The following TMEM132D variants were observed in gnomAD, a reference collection of about 807,000 sequenced individuals.
The protein encoded by TMEM132D is mature OL transmembrane protein.
TMEM132D carries 21 observed loss-of-function variants against 62.3 expected under a neutral mutation model. The ratio of observed to expected loss-of-function variants is 0.34; its 90% CI spans 0.24 to 0.49. TMEM132D has a LOEUF of 0.49. TMEM132D is among the 20% of genes least tolerant of loss of function. TMEM132D has a pLI of 0.99. For missense variants in TMEM132D, 1,346 were observed against 1,402.8 expected (o/e 0.96, Z 0.65); for synonymous variants, 621 against 575.6 (o/e 1.08, Z -1.13).
chr12:129,089,506 TATGACCGGGTGTCCTCC>T lies in TMEM132D; in HGVS notation c.1444-4821_1444-4805del, dbSNP rs1271692219. Among the ~76,000 whole-genome samples, 125 of 35,422 alleles carry T rather than the reference TATGACCGGGTGTCCTCC, an allele frequency of 3.5e-3. 25 individuals carry two copies. Among genetic ancestry groups the T allele is most frequent in the South Asian group, 0.034 (29 of 842 alleles). 23.2% of individuals were successfully genotyped at this position (35,422 alleles called of 152,430 possible). ...GTGTCCTCCATGACCGGGTGTCCTC[TATGACCGGGTGTCCTCC>T]ATGACCGGGTGTCCTCCATGACCGG... On this transcript the variant is annotated intron_variant, in intron 5 of 8. Transcript: ENST00000422113.
intron 4 of TMEM132D, among the ~76,000 whole-genome samples, chr12:129,241,421 T>C (rs927539814): frequency 1.3e-5 from 2 of 152,152 alleles, no homozygotes; most frequent in Non-Finnish European, 2.9e-5. Flanking sequence ...ACAACACTCT[T>C]CTTTGCTCTC....
intron 2 of TMEM132D, among the ~76,000 whole-genome samples, chr12:129,533,948 C>T (rs1351337331): frequency 2.6e-5 from 4 of 152,226 alleles, no homozygotes; most frequent in South Asian, 2.1e-4. Context: ...GGTCATTCTT[C>T]GGAGATGTAG....
rs2137227950 is a variant in TMEM132D, at chr12:129,700,653, A to C, written c.125T>G (p.Leu42Trp). ...GILESIQRFS[L>W]LPTYLPVTYH... Reference sequence around the variant, plus strand: ...GGTCACGGGGAGGTAGGTGGGCAGCAAGGAAAACCTCTGGATGCTCTCAAG... The same window carrying C: ...GGTCACGGGGAGGTAGGTGGGCAGCCAGGAAAACCTCTGGATGCTCTCAAG... The change falls in exon 2 of 9, where the codon TTG (leucine) becomes TGG (tryptophan). Residue 42 changes from leucine (L) to tryptophan (W), a missense_variant. By Grantham distance (61) the Leu-to-Trp change is moderately conservative. Transcript: ENST00000422113. The C allele has an allele frequency of 6.2e-7, 1 of 1,613,810 alleles. No individual in the cohort carries two copies. Among genetic ancestry groups the C allele is most frequent in the African/African-American group, 1.3e-5 (1 of 75,014 alleles).
At chr12:129,269,991 GA>G (rs1880809239) in intron 4 of TMEM132D, among the ~76,000 whole-genome samples, 2 of 152,148 alleles carry the variant, frequency 1.3e-5, no homozygotes, top group Non-Finnish European at 2.9e-5. Flanking sequence ...GTGGCAGGCA[GA>G]ACAGAATGGG....
chr12:129,690,252 A>G (rs948288097), intron 2 of TMEM132D, among the ~76,000 whole-genome samples: 1 of 152,208 alleles, frequency 6.6e-6, no homozygotes, highest in Non-Finnish European at 1.5e-5. Flanking sequence ...ATGTAATCAC[A>G]TAAGATACTG....
intron 1 of TMEM132D, among the ~76,000 whole-genome samples, chr12:129,899,515 C>A (rs749047098): frequency 1.3e-5 from 2 of 150,626 alleles, no homozygotes; most frequent in Non-Finnish European, 3.0e-5. Flanking sequence ...GATGAATGAA[C>A]GGGTGGATGG....
rs529519513 is a variant in TMEM132D at position 129,788,650 on chromosome 12, A to C, written c.80-87952T>G. 2.5e-4 allele frequency among the ~76,000 whole-genome samples: 38 copies of C among 152,354 alleles called. 1 individual carries two copies. Among genetic ancestry groups the C allele is most frequent in the African/African-American group, 8.2e-4 (34 of 41,576 alleles). On this transcript the variant is annotated intron_variant, in intron 1 of 8. Transcript: ENST00000422113. ...TCAGGGAGGGAGAAATGTGAACTAC[A>C]GGATGAATTGATTGACTCATGCAGT...
At position 129,075,044 on chromosome 12, in the gene TMEM132D, A is replaced by C; in HGVS notation, c.2131T>G (p.Cys711Gly). 1 of 1,606,300 alleles carries C rather than the reference A, an allele frequency of 6.2e-7. No individual in the cohort carries two copies. The highest frequency in any genetic ancestry group is 8.5e-7 in the Non-Finnish European group (1 of 1,177,486). The change falls in exon 9 of 9, where the codon TGC (cysteine) becomes GGC (glycine). Residue 711 changes from cysteine (C) to glycine (G), a missense_variant. Cys to Gly is a radical substitution (Grantham distance 159, BLOSUM62 -3). Coordinates refer to ENST00000422113, the MANE Select transcript of TMEM132D (RefSeq NM_133448.3). ...GAGCCATCACTGAACTGGACCCAGC[A>C]ACTGATGGCTGCTTCCTATGGAGAA... is the stretch of plus-strand genomic sequence containing the variant. The part of the protein sequence containing the change: ...QRPKQEAAIS[C>G]WVQFSDGSVT...
At chr12:129,230,156 G>C (rs1300478969) in intron 4 of TMEM132D, among the ~76,000 whole-genome samples, 2 of 152,238 alleles carry the variant, frequency 1.3e-5, no homozygotes, top group East Asian at 1.9e-4. Context: ...CCAAGGAAAT[G>C]CATCTGAGGT....
intron 3 of TMEM132D, among the ~76,000 whole-genome samples, chr12:129,507,719 A>C (rs1460934202): frequency 6.6e-6 from 1 of 152,124 alleles, no homozygotes; most frequent in Non-Finnish European, 1.5e-5. Context: ...AAAGGGTAGG[A>C]AGGGGGTGAA....
chr12:129,221,305 A>AC, intron 4 of TMEM132D, among the ~76,000 whole-genome samples: 1 of 152,156 alleles, frequency 6.6e-6, no homozygotes, highest in Non-Finnish European at 1.5e-5. Context: ...CTTCCTCCTG[A>AC]CCCACACAGG....
intron 2 of TMEM132D, among the ~76,000 whole-genome samples, chr12:129,664,560 G>A (rs1435223916): frequency 6.6e-6 from 1 of 151,278 alleles, no homozygotes; most frequent in Non-Finnish European, 1.5e-5. Flanking sequence ...AAGTAGCTGG[G>A]ACTACAGGCA....
At position 129,096,921 on chromosome 12, in the gene TMEM132D, C is replaced by T. The variant is rs79566378; in HGVS notation, c.1444-12219G>A. ...CCTGGGTCAGAGGAAATAATGCATT[C>T]GGTGAATGTTCTCTTTTCTTTGTCC... is the stretch of plus-strand genomic sequence containing the variant. On this transcript the variant is annotated intron_variant, in intron 5 of 8. Transcript: ENST00000422113. Among the ~76,000 whole-genome samples the T allele has an allele frequency of 1.3e-3, 196 of 148,810 alleles. 2 individuals are homozygous for T. In the East Asian group the frequency reaches 0.031, roughly 23 times the overall value.
chr12:129,595,566 C>A (rs1482211332), intron 2 of TMEM132D, among the ~76,000 whole-genome samples: 1 of 152,218 alleles, frequency 6.6e-6, no homozygotes, highest in African/African-American at 2.4e-5. Flanking sequence ...CTGACTTAGA[C>A]CCATGGGTCA....
In TMEM132D at chr12:129,147,756, G is replaced by A. The variant is rs137920123; in HGVS notation, c.1443+61764C>T. On this transcript the variant is annotated intron_variant, in intron 5 of 8. Transcript: ENST00000422113. ...TCTTGATCACCTGGTCAAGGTGTTG[G>A]CTGCTATGTCCACTCTGTAGTTGCT... is the stretch of plus-strand genomic sequence containing the variant. Among the ~76,000 whole-genome samples the A allele has an allele frequency of 2.4e-3, 368 of 152,294 alleles. 2 individuals carry two copies. The highest frequency in any genetic ancestry group is 3.5e-3 in the Non-Finnish European group (235 of 68,024).
intron 2 of TMEM132D, among the ~76,000 whole-genome samples, chr12:129,592,386 A>G (rs1321508301): frequency 6.6e-6 from 1 of 152,166 alleles, no homozygotes. Context: ...TCTAAGTACT[A>G]TGTCATTATT....
intron 4 of TMEM132D, among the ~76,000 whole-genome samples, chr12:129,313,236 G>A (rs904483666): frequency 6.6e-6 from 1 of 152,048 alleles, no homozygotes; most frequent in Non-Finnish European, 1.5e-5. Flanking sequence ...TAGTTCTTTG[G>A]TGGCGATTTG....
chr12:129,790,788 G>A (rs1222633464), intron 1 of TMEM132D, among the ~76,000 whole-genome samples: 2 of 152,190 alleles, frequency 1.3e-5, no homozygotes, highest in Non-Finnish European at 2.9e-5. Context: ...CCTGCCTCCT[G>A]TCCTTATCAG....
At chr12:129,500,643 G>A (rs1035605638) in intron 3 of TMEM132D, among the ~76,000 whole-genome samples, 2 of 152,066 alleles carry the variant, frequency 1.3e-5, no homozygotes, top group African/African-American at 4.8e-5. Context: ...GGTATATATG[G>A]GCATCACTTT....
Sources: allele counts gnomAD v4.1 joint callset (sites outside exome capture counted in the v4.1 genomes callset), GRCh38; gene constraint gnomAD v4.1.1; transcripts MANE v1.5; gene names NCBI Gene and HGNC (gene_info 2026-07-23, HGNC 2026-07-21).